Variants in ZZZ3 observed in about 807,000 individuals in gnomAD.
ZZZ3 encodes zinc finger ZZ-type containing 3.
In ZZZ3, 22 loss-of-function variants were observed where a neutral mutation model predicts 95.2. That is an observed-to-expected ratio of 0.23 (90% CI 0.17 to 0.33). The LOEUF is 0.33. Ranked by LOEUF, ZZZ3 falls within the 10% of genes least tolerant of loss-of-function variation. ZZZ3 has a pLI of 1.00. For synonymous variants in ZZZ3, 335 were observed against 358.9 expected (o/e 0.93, Z 0.75); for missense variants, 885 against 1,066.5 (o/e 0.83, Z 2.37).
chr1:77,568,349 G>A lies in ZZZ3; in HGVS notation c.2449C>T (p.Gln817Ter). The change falls in exon 13 of 15, where the codon CAA becomes TAA. Residue 817 changes from glutamine to a stop codon, truncating the protein, a stop_gained. Coordinates refer to ENST00000370801, the MANE Select transcript of ZZZ3 (RefSeq NM_015534.6). LOFTEE classifies it high-confidence loss of function. ...QQMQAESGFVQHVGFKCDNCG... is the reference protein window; with the variant it reads ...QQMQAESGFV Reference sequence around the variant, plus strand: ...GAACTTACCTTAAAGCCCACATGTTGCACAAATCCACTTTCAGCTTGCATT... The same window carrying A: ...GAACTTACCTTAAAGCCCACATGTTACACAAATCCACTTTCAGCTTGCATT... The A allele has an allele frequency of 6.3e-7, 1 of 1,589,270 alleles. No individual in the cohort carries two copies. Among genetic ancestry groups the A allele is most frequent in the South Asian group, 1.2e-5 (1 of 85,450 alleles).
At chr1:77,590,923 G>C (rs1012226392) in intron 5 of ZZZ3, among the ~76,000 whole-genome samples, 2 of 152,202 alleles carry the variant, frequency 1.3e-5, no homozygotes, top group Non-Finnish European at 2.9e-5. Context: ...AAATACATTA[G>C]AAAATGTTAA....
At position 77,580,130 on chromosome 1, in the gene ZZZ3, T is replaced by A. The variant is rs1302209759; in HGVS notation, c.1981-502A>T. On this transcript the variant is annotated intron_variant, in intron 9 of 14. Coordinates refer to ENST00000370801, the MANE Select transcript of ZZZ3 (RefSeq NM_015534.6). ...TTAATATTCCTTCTTGTCTCCTGTA[T>A]CTTCTCATAGTCCTAAAGATGCAGA... 2.0e-5 allele frequency: 3 copies of A among 152,708 alleles called. No homozygotes were observed. The East Asian group carries it at 5.8e-4, about 29-fold the overall frequency. 9.5% of individuals were successfully genotyped at this position (152,708 alleles called of 1,614,324 possible). A position where few individuals can be genotyped will look rare whatever the true frequency, so the allele number is the denominator to read the frequency against.
chr1:77,622,471 A>G (rs1666975177), intron 5 of ZZZ3, among the ~76,000 whole-genome samples: 1 of 152,040 alleles, frequency 6.6e-6, no homozygotes, highest in Admixed American at 6.5e-5. Flanking sequence ...TTACATTTAA[A>G]TTTATTTAAA....
chr1:77,575,215 T>C (rs1158872649), intron 12 of ZZZ3, among the ~76,000 whole-genome samples: 1 of 152,012 alleles, frequency 6.6e-6, no homozygotes, highest in Non-Finnish European at 1.5e-5. Context: ...AAAGGGAGAA[T>C]TGAGCAATTA....
intron 5 of ZZZ3, among the ~76,000 whole-genome samples, chr1:77,610,081 C>T (rs10873951): frequency 0.66 from 98,366 of 149,538 alleles, 33,252 homozygotes; most frequent in Non-Finnish European, 0.74. Context: ...ACAAACAAAA[C>T]TGACAAACTT....
rs774610945 is a variant in ZZZ3, at chr1:77,632,994, G to A, written c.361C>T (p.Arg121Cys). Residue 121 changes from arginine (R) to cysteine (C), a missense_variant, in exon 5 of 15, where the codon CGT (arginine) becomes TGT (cysteine). Physicochemically the swap from Arg to Cys is radical, Grantham distance 180. Around this residue, in one of 5 missense-constraint regions of ZZZ3, gnomAD observed 556 missense variants for 652.9 expected, o/e 0.85. Coordinates refer to ENST00000370801, the MANE Select transcript of ZZZ3 (RefSeq NM_015534.6). ...TTTGGTGCTTCAGATCTAAGACAAC[G>A]CTTAATTCTTTTTAAAACTGGTGAA... ...PVSPVLKRIK[R>C]CLRSEAPNSS... The A allele has an allele frequency of 3.7e-6, 6 of 1,613,816 alleles. No individual in the cohort carries two copies. The highest frequency in any genetic ancestry group is 2.2e-5 in the South Asian group (2 of 91,080).
intron 1 of ZZZ3, among the ~76,000 whole-genome samples, chr1:77,670,634 T>C (rs1363712411): frequency 6.6e-6 from 1 of 151,812 alleles, no homozygotes; most frequent in Non-Finnish European, 1.5e-5. Context: ...AAAAACAAAA[T>C]CTATTAAGGC....
chr1:77,570,265 G>T (rs941238047), intron 12 of ZZZ3, among the ~76,000 whole-genome samples: 1 of 152,090 alleles, frequency 6.6e-6, no homozygotes, highest in Non-Finnish European at 1.5e-5. Flanking sequence ...ACCACACCCA[G>T]CTAATTTTTT....
In ZZZ3 at chr1:77,633,351, C is replaced by A; in HGVS notation, c.4G>T (p.Ala2Ser). M[A>S]ASRSTRVTRS... ...GTAACACGAGTAGATCGGGAAGCAG[C>A]CATACTATGGCAAGTCCCTACAATA... The change falls in exon 5 of 15, where the codon GCT becomes TCT. Residue 2 changes from alanine (A) to serine (S), a missense_variant. This residue lies in a region of ZZZ3 where 556 missense variants were observed against 652.9 expected (regional missense o/e 0.85). Coordinates refer to ENST00000370801, the MANE Select transcript of ZZZ3 (RefSeq NM_015534.6). The A allele has an allele frequency of 6.3e-7, 1 of 1,599,032 alleles. No individual in the cohort carries two copies. The highest frequency in any genetic ancestry group is 1.1e-5 in the South Asian group (1 of 88,172).
In ZZZ3 at chr1:77,565,568, C is replaced by T; in HGVS notation, c.*72G>A. 1 of 1,497,814 alleles carries T rather than the reference C, an allele frequency of 6.7e-7. No individual in the cohort carries two copies. 92.8% of individuals were successfully genotyped at this position (1,497,814 alleles called of 1,614,324 possible). ...TGGGAAAGCAGAGAATCTTTCCAAA[C>T]TGTGCACATAATTAACAATGATACC... On this transcript the variant is annotated 3_prime_UTR_variant, in exon 15 of 15. Coordinates refer to ENST00000370801, the MANE Select transcript of ZZZ3 (RefSeq NM_015534.6).
chr1:77,619,582 A>G (rs1486887520), intron 5 of ZZZ3, among the ~76,000 whole-genome samples: 1 of 152,198 alleles, frequency 6.6e-6, no homozygotes, highest in Non-Finnish European at 1.5e-5. Flanking sequence ...ACAATCATAT[A>G]AAACATTCTG....
intron 1 of ZZZ3, among the ~76,000 whole-genome samples, chr1:77,668,213 G>A (rs2101043167): frequency 6.6e-6 from 1 of 152,170 alleles, no homozygotes; most frequent in East Asian, 1.9e-4. Flanking sequence ...GAGCCTATCA[G>A]TATTGATTGC....
At chr1:77,588,468 G>C (rs763120040) in intron 5 of ZZZ3, among the ~76,000 whole-genome samples, 1 of 151,468 alleles carries the variant, frequency 6.6e-6, no homozygotes, top group Non-Finnish European at 1.5e-5. Context: ...AAAAAAAATA[G>C]ACTTGTTTTA....
At chr1:77,676,923 G>A (rs1280692064) in intron 1 of ZZZ3, 5 of 151,806 alleles carry the variant, frequency 3.3e-5, no homozygotes, top group African/African-American at 7.3e-5. Flanking sequence ...TGCCAGATGA[G>A]GTAAAAACTT....
intron 14 of ZZZ3, 22 bp downstream of exon 14, chr1:77,566,059 T>C (rs772846393): frequency 6.4e-7 from 1 of 1,573,782 alleles, no homozygotes; most frequent in South Asian, 1.1e-5. Flanking sequence ...AGTTGAAGAC[T>C]GACAATGAAG....
At position 77,564,935 on chromosome 1, in the gene ZZZ3, G is replaced by T. The variant is rs1336147746; in HGVS notation, c.*705C>A. ...TCACCATAGTTTGTACACATCACAT[G>T]ATCATCTTATATAACATTACATTTA... is the stretch of plus-strand genomic sequence containing the variant. On this transcript the variant is annotated 3_prime_UTR_variant, in exon 15 of 15. Coordinates refer to ENST00000370801, the MANE Select transcript of ZZZ3 (RefSeq NM_015534.6). 1 of 152,550 alleles carries T rather than the reference G, an allele frequency of 6.6e-6. No homozygotes were observed. The highest frequency in any genetic ancestry group is 1.5e-5 in the Non-Finnish European group (1 of 68,026). The allele number at this position is 152,550 out of a possible 1,614,324, so 9.4% of individuals were successfully genotyped here.
intron 1 of ZZZ3, among the ~76,000 whole-genome samples, chr1:77,675,481 TGTTAA>T (rs766316893): frequency 9.1e-4 from 138 of 152,258 alleles, no homozygotes; most frequent in Middle Eastern, 6.8e-3. Flanking sequence ...GAAAAAAAGG[TGTTAA>T]GTTATGTTCC....
At chr1:77,651,554 A>C (rs969851940) in intron 1 of ZZZ3, among the ~76,000 whole-genome samples, 2 of 152,324 alleles carry the variant, frequency 1.3e-5, no homozygotes, top group East Asian at 3.9e-4. Context: ...AAAACAAAAA[A>C]CAGAATGGTG....
At chr1:77,616,050 A>T (rs1306769756) in intron 5 of ZZZ3, among the ~76,000 whole-genome samples, 1 of 152,098 alleles carries the variant, frequency 6.6e-6, no homozygotes, top group African/African-American at 2.4e-5. Flanking sequence ...ACACTGAGTT[A>T]TTTTTATCTA....
Sources: allele counts gnomAD v4.1 joint callset (sites outside exome capture counted in the v4.1 genomes callset), GRCh38; gene constraint gnomAD v4.1.1; regional missense constraint gnomAD v4.1.1; transcripts MANE v1.5; gene names NCBI Gene and HGNC (gene_info 2026-07-23, HGNC 2026-07-21).